Variants in GGNBP2 observed in about 807,000 individuals in gnomAD.
GGNBP2 encodes gametogenetin-binding protein 2.
GGNBP2 carries 10 observed loss-of-function variants against 85.9 expected under a neutral mutation model. The observed-to-expected ratio is 0.12, with a 90% CI of 0.07 to 0.20. The LOEUF is 0.20. Ranked by LOEUF, GGNBP2 falls within the 10% of genes least tolerant of loss-of-function variation. The probability of loss-of-function intolerance (pLI) is 1.00; values close to 1 mark genes in which losing one functional copy is unlikely to be tolerated. For missense variants in GGNBP2, 595 were observed against 857.8 expected (o/e 0.69, Z 3.83); for synonymous variants, 287 against 285.7 (o/e 1.00, Z -0.05).
At chr17:36,545,888 G>A (rs2074249118) in intron 2 of GGNBP2, 71 bp downstream of exon 2, 4 of 1,082,822 alleles carry the variant, frequency 3.7e-6, no homozygotes, top group Middle Eastern at 4.0e-4. Context: ...CCTCCCCCAG[G>A]CCGAGCGCTG....
At chr17:36,581,731 A>T (rs142137899) in intron 9 of GGNBP2, 193 bp downstream of exon 9, 17 of 368,562 alleles carry the variant, frequency 4.6e-5, no homozygotes, top group South Asian at 1.4e-4. Flanking sequence ...ATTTTATTTT[A>T]TTTTTTTAAT....
intron 6 of GGNBP2, among the ~76,000 whole-genome samples, chr17:36,569,721 A>G (rs2074504149): frequency 6.6e-6 from 1 of 152,176 alleles, no homozygotes; most frequent in South Asian, 2.1e-4. Flanking sequence ...TGTGTCACTT[A>G]CTTGGAGTTT....
intron 5 of GGNBP2, among the ~76,000 whole-genome samples, chr17:36,563,414 C>A (rs2074438758): frequency 6.6e-6 from 1 of 152,128 alleles, no homozygotes; most frequent in South Asian, 2.1e-4. Flanking sequence ...CATTTATCCA[C>A]CTTTTTCTTT....
intron 8 of GGNBP2, among the ~76,000 whole-genome samples, chr17:36,580,670 A>G (rs1380661983): frequency 4.6e-5 from 7 of 151,882 alleles, no homozygotes; most frequent in Non-Finnish European, 1.0e-4. Flanking sequence ...CTGTAATCCC[A>G]GCACTTTGGG....
At position 36,578,363 on chromosome 17, in the gene GGNBP2, G is replaced by A. The variant is rs529880542; in HGVS notation, c.845+177G>A. 15 of 545,814 alleles carry A rather than the reference G, an allele frequency of 2.7e-5. No homozygotes were observed. In the African/African-American group the frequency reaches 2.9e-4, roughly 10 times the overall value. The allele number at this position is 545,814 out of a possible 1,614,324, so 33.8% of individuals were successfully genotyped here. A position where few individuals can be genotyped will look rare whatever the true frequency, so the allele number is the denominator to read the frequency against. The stretch of plus-strand genomic sequence containing the variant: ...GCATTTCTTAATTGACTGAAAATAG[G>A]GAAAAACTGTTCTCTGGTGTTTGGT... On this transcript the variant is annotated intron_variant, in intron 7 of 13. Coordinates refer to ENST00000613102, the MANE Select transcript of GGNBP2 (RefSeq NM_024835.5).
chr17:36,545,945 T>C (rs777331872), intron 2 of GGNBP2, 128 bp downstream of exon 2: 4 of 654,134 alleles, frequency 6.1e-6, no homozygotes, highest in Non-Finnish European at 1.1e-5. Context: ...AGGCCTTCTC[T>C]TCAGCAGGCC....
chr17:36,589,079 C>G (rs1354212249), intron 13 of GGNBP2, 129 bp from the exon 14 acceptor site: 3 of 664,802 alleles, frequency 4.5e-6, no homozygotes, highest in Admixed American at 5.1e-5. Context: ...GCAAACACTC[C>G]AATTAAAGGC....
At position 36,579,301 on chromosome 17, in the gene GGNBP2, G is replaced by T; in HGVS notation, c.902G>T (p.Cys301Phe). ...IDIAQEEVLT[C>F]LGIHLYERLH... is the part of the protein sequence containing the mutation. ...ATAGCTCAAGAAGAAGTTCTGACCT[G>T]CTTGGGAATTCATCTTTATGAAAGA... The change falls in exon 8 of 14, where the codon TGC (cysteine) becomes TTC (phenylalanine). Residue 301 changes from cysteine (C) to phenylalanine (F), a missense_variant. Physicochemically the swap from Cys to Phe is radical, Grantham distance 205. Coordinates refer to ENST00000613102, the MANE Select transcript of GGNBP2 (RefSeq NM_024835.5). The T allele has an allele frequency of 6.2e-7, 1 of 1,614,184 alleles. No individual in the cohort carries two copies. The highest frequency in any genetic ancestry group is 8.5e-7 in the Non-Finnish European group (1 of 1,180,016).
intron 1 of GGNBP2, chr17:36,545,385 G>A (rs937986897): frequency 2.7e-5 from 7 of 259,426 alleles, no homozygotes; most frequent in South Asian, 1.2e-4. Context: ...CTCTCCTTTG[G>A]ACCCTGACTG....
chr17:36,577,124 C>G (rs2142764702), intron 6 of GGNBP2: 1 of 152,312 alleles, frequency 6.6e-6, no homozygotes, highest in Middle Eastern at 3.4e-3. Flanking sequence ...TTTCACTTAA[C>G]TAATCTTCTT....
rs2074561378 is a variant in GGNBP2, at chr17:36,574,927, A to G, written c.642-3056A>G. On this transcript the variant is annotated intron_variant, in intron 6 of 13. Transcript: ENST00000613102. ...CCTCCTTGGAGCACTTAACACCCAG[A>G]CCGATGTGGCCATTGTAGTCCACGA... The G allele has an allele frequency of 1.1e-5, 11 of 1,035,830 alleles. No homozygotes were observed. In the East Asian group the frequency reaches 2.8e-4, roughly 26 times the overall value. 64.2% of individuals were successfully genotyped at this position (1,035,830 alleles called of 1,614,324 possible). A position where few individuals can be genotyped will look rare whatever the true frequency, so the allele number is the denominator to read the frequency against.
chr17:36,553,166 T>G (rs1038344722), intron 2 of GGNBP2, among the ~76,000 whole-genome samples: 2 of 152,182 alleles, frequency 1.3e-5, no homozygotes, highest in Non-Finnish European at 2.9e-5. Context: ...TTGGGAAATA[T>G]AGGAACACAT....
intron 2 of GGNBP2, 26 bp downstream of exon 2, chr17:36,545,843 C>G: frequency 6.7e-7 from 1 of 1,484,420 alleles, no homozygotes; most frequent in East Asian, 2.5e-5. Flanking sequence ...CGGGCTGGGC[C>G]CGCCGCTCCC....
intron 8 of GGNBP2, among the ~76,000 whole-genome samples, chr17:36,580,890 G>A (rs1169682548): frequency 6.6e-6 from 1 of 151,618 alleles, no homozygotes; most frequent in African/African-American, 2.4e-5. Context: ...CTGTACTCCA[G>A]CCTGGGCGAT....
At chr17:36,561,565 A>G (rs1354905399) in intron 5 of GGNBP2, among the ~76,000 whole-genome samples, 1 of 152,236 alleles carries the variant, frequency 6.6e-6, no homozygotes, top group Non-Finnish European at 1.5e-5. Context: ...GGTTTTAAAA[A>G]AAGTAGTTAT....
intron 6 of GGNBP2, among the ~76,000 whole-genome samples, chr17:36,569,942 C>T (rs551626101): frequency 2.6e-5 from 4 of 152,202 alleles, no homozygotes; most frequent in East Asian, 3.9e-4. Flanking sequence ...GATATCTTAA[C>T]GGTTGTGAGA....
intron 2 of GGNBP2, among the ~76,000 whole-genome samples, chr17:36,548,193 A>G (rs1038804369): frequency 1.3e-5 from 2 of 152,272 alleles, no homozygotes; most frequent in African/African-American, 4.8e-5. Flanking sequence ...ATGTTGCAAT[A>G]TAGTTACAAT....
At position 36,587,428 on chromosome 17, in the gene GGNBP2, T is replaced by C. The variant is rs1030661375; in HGVS notation, c.1890+183T>C. On this transcript the variant is annotated intron_variant, in intron 13 of 13. Transcript: ENST00000613102. ...TTCCACTCGTGGTTTATGCAACTAC[T>C]CTGGAACACGTTTCCATGGCCGCCT... 1.8e-5 allele frequency: 12 copies of C among 661,706 alleles called. No homozygotes were observed. The African/African-American group carries it at 2.0e-4, about 11-fold the overall frequency. 41.0% of individuals were successfully genotyped at this position (661,706 alleles called of 1,614,324 possible). A position where few individuals can be genotyped will look rare whatever the true frequency, so the allele number is the denominator to read the frequency against.
chr17:36,553,330 A>G (rs777310794), intron 2 of GGNBP2, among the ~76,000 whole-genome samples: 22 of 152,252 alleles, frequency 1.4e-4, no homozygotes, highest in African/African-American at 3.1e-4. Flanking sequence ...TTTAGTATCT[A>G]TTTGTCTCTG....
Sources: gnomAD v4.1 joint callset for allele counts (sites outside exome capture counted in the v4.1 genomes callset) on GRCh38, gnomAD v4.1.1 for gene constraint, MANE v1.5 for transcripts, NCBI Gene and HGNC (gene_info 2026-07-23, HGNC 2026-07-21) for gene names.